Variants in DST observed in about 807,000 individuals in gnomAD.
DST encodes dystonin.
A neutral mutation model predicts 875.2 loss-of-function variants in DST; 253 were observed. The ratio of observed to expected loss-of-function variants is 0.29; its 90% confidence interval spans 0.26 to 0.32. DST has a LOEUF of 0.32. Among genes scored for constraint, DST ranks in the 10% least tolerant of loss-of-function variants. The pLI, the probability that DST is intolerant of heterozygous loss-of-function variation, is 1.00. For synonymous variants in DST, 3,124 were observed against 3,197.1 expected (o/e 0.98, Z 0.77); for missense variants, 8,287 against 9,111.6 (o/e 0.91, Z 3.68).
chr6:56,832,347 C>G (rs1402036547), intron 4 of DST, among the ~76,000 whole-genome samples: 1 of 152,042 alleles, frequency 6.6e-6, no homozygotes, highest in Non-Finnish European at 1.5e-5. Flanking sequence ...CTTACTAGTT[C>G]TAGTAAGTCT....
intron 2 of DST, among the ~76,000 whole-genome samples, chr6:56,904,626 A>G (rs1795551322): frequency 6.6e-6 from 1 of 152,120 alleles, no homozygotes; most frequent in Non-Finnish European, 1.5e-5. Context: ...AACAACGATG[A>G]CCGTTCACCT....
At chr6:56,602,591 T>C (rs2098456175) in intron 43 of DST, among the ~76,000 whole-genome samples, 1 of 151,970 alleles carries the variant, frequency 6.6e-6, no homozygotes, top group East Asian at 1.9e-4. Context: ...ATATGGCTAA[T>C]TCATACTATT....
intron 61 of DST, among the ~76,000 whole-genome samples, chr6:56,548,231 T>C (rs1403117232): frequency 6.6e-6 from 1 of 152,204 alleles, no homozygotes; most frequent in Non-Finnish European, 1.5e-5. Flanking sequence ...TTTAAGAAAG[T>C]TTATGAATTT....
chr6:56,606,511 A>G lies in DST; in HGVS notation c.8117T>C (p.Ile2706Thr), dbSNP rs1467390039. The change falls in exon 40 of 104, where the codon ATA becomes ACA. Residue 2706 changes from isoleucine (I) to threonine (T), a missense_variant. By Grantham distance (89) the Ile-to-Thr change is moderately conservative. Coordinates refer to ENST00000680361, the MANE Select transcript of DST (RefSeq NM_001374736.1). ...EKDELDSGEK[I>T]HLNPVGSDKV... ...ATCTGAGCCAACAGGATTTAAATGTATTTTTTCACCAGAATCTAATTCATC... is the reference window on the plus strand; with the variant it reads ...ATCTGAGCCAACAGGATTTAAATGTGTTTTTTCACCAGAATCTAATTCATC... 6.2e-7 allele frequency: 1 copy of G among 1,613,296 alleles called. No homozygotes were observed. Among genetic ancestry groups the G allele is most frequent in the Admixed American group, 1.7e-5 (1 of 59,868 alleles).
rs116276328 is a variant in DST at position 56,867,561 on chromosome 6, C to T, written c.418-15957G>A. ...GCTTGGCTGGATGCGGAGGCTCATG[C>T]CTGTAATCCCAGCACTTTGGGAGGC... On this transcript the variant is annotated intron_variant, in intron 3 of 103. Coordinates refer to ENST00000680361, the MANE Select transcript of DST (RefSeq NM_001374736.1). Among the ~76,000 whole-genome samples the T allele has an allele frequency of 3.9e-3, 595 of 152,304 alleles. 1 individual carries two copies. The highest frequency in any genetic ancestry group is 6.0e-3 in the Non-Finnish European group (408 of 68,022).
In DST at chr6:56,624,626, G is replaced by T; in HGVS notation, c.4833C>A (p.Phe1611Leu). 6.2e-7 allele frequency: 1 copy of T among 1,602,164 alleles called. No homozygotes were observed. Among genetic ancestry groups the T allele is most frequent in the South Asian group, 1.1e-5 (1 of 90,824 alleles). The change falls in exon 36 of 104, where the codon TTC (phenylalanine) becomes TTA (leucine). Residue 1611 changes from phenylalanine (F) to leucine (L), a missense_variant and splice_region_variant. By Grantham distance (22) the Phe-to-Leu change is conservative. Transcript: ENST00000680361. ...QSSADLIIQEFMDLRTRYTAL... is the reference protein window; with the variant it reads ...QSSADLIIQELMDLRTRYTAL... ...CAGTATATCGAGTCCTTAGGTCCAT[G>T]AACTGCAAGTAAGGAAAAAAATAAT...
chr6:56,802,831 A>G (rs1009087840), intron 4 of DST, among the ~76,000 whole-genome samples: 14 of 152,184 alleles, frequency 9.2e-5, no homozygotes, highest in African/African-American at 3.1e-4. Context: ...AAACATCCCC[A>G]TTCATAAAGC....
In DST at chr6:56,608,038, G is replaced by A; in HGVS notation, c.6590C>T (p.Thr2197Ile). The A allele has an allele frequency of 1.9e-6, 3 of 1,612,878 alleles. No homozygotes were observed. The highest frequency in any genetic ancestry group is 2.5e-6 in the Non-Finnish European group (3 of 1,179,408). The change falls in exon 40 of 104, where the codon ACT (threonine) becomes ATT (isoleucine). Residue 2197 changes from threonine to isoleucine, a missense_variant. Thr to Ile is a moderately conservative substitution (Grantham distance 89, BLOSUM62 -1). Around this residue, in one of 10 missense-constraint regions of DST, gnomAD observed 3,138 missense variants for 3,116.6 expected, o/e 1.01. Coordinates refer to ENST00000680361, the MANE Select transcript of DST (RefSeq NM_001374736.1). ...TAAATAAGATAGAAATAATTTTTTA[G>A]TTTCTTCTGAGGTCTGAGTAGTGAC... ...EPVTTQTSEE[T>I]KKLFLSYLMI...
chr6:56,948,218 G>C lies in DST; in HGVS notation c.216+5567C>G, dbSNP rs189974623. 2.2e-4 allele frequency among the ~76,000 whole-genome samples: 33 copies of C among 152,176 alleles called. 1 individual carries two copies. Among genetic ancestry groups the C allele is most frequent in the Admixed American group, 1.6e-3 (24 of 15,286 alleles). On this transcript the variant is annotated intron_variant, in intron 2 of 103. Coordinates refer to ENST00000680361, the MANE Select transcript of DST (RefSeq NM_001374736.1). ...GTATATCTCAGAAGCTTCAGCATAC[G>C]ATTTTTTTTTCCTTTCCTTACTAAG...
At position 56,639,314 on chromosome 6, in the gene DST, T is replaced by C. The variant is rs774525373; in HGVS notation, c.2909A>G (p.Gln970Arg). ...DQKEENIKSV[Q>R]EIAEQLLLEN... ...TAGAAGTAGCTGCTCTGCTATCTCCTGAACTGATTTAATATTTTCTTCCTT... is the reference window on the plus strand; with the variant it reads ...TAGAAGTAGCTGCTCTGCTATCTCCCGAACTGATTTAATATTTTCTTCCTT... The change falls in exon 22 of 104, where the codon CAG becomes CGG. Residue 970 changes from glutamine to arginine, a missense_variant. Physicochemically the swap from Gln to Arg is conservative, Grantham distance 43 (BLOSUM62 1). This residue lies in a region of DST where 1,160 missense variants were observed against 1,424.3 expected (regional missense o/e 0.81). Transcript: ENST00000680361. The C allele has an allele frequency of 3.7e-6, 6 of 1,613,712 alleles. No homozygotes were observed. Among genetic ancestry groups the C allele is most frequent in the Middle Eastern group, 1.6e-4 (1 of 6,078 alleles).
At chr6:56,851,957 A>C in intron 3 of DST, 2 of 1,490,030 alleles carry the variant, frequency 1.3e-6, no homozygotes, top group Non-Finnish European at 1.8e-6. Context: ...AACCTATAGT[A>C]TTTGGCTCCC....
At chr6:56,880,837 CTTTTTTT>C (rs765843469) in intron 3 of DST, among the ~76,000 whole-genome samples, 1 of 58,062 alleles carries the variant, frequency 1.7e-5, no homozygotes, top group Non-Finnish European at 2.8e-5. Flanking sequence ...TACTGTCTTT[CTTTTTTT>C]TTTTTTTTTT....
intron 2 of DST, among the ~76,000 whole-genome samples, chr6:56,938,432 T>C (rs754433508): frequency 2.6e-5 from 4 of 152,086 alleles, no homozygotes; most frequent in African/African-American, 4.8e-5. Flanking sequence ...TCTGAAATTT[T>C]TGAAAAACTA....
intron 69 of DST, among the ~76,000 whole-genome samples, chr6:56,518,179 T>G (rs911566310): frequency 3.3e-5 from 5 of 152,188 alleles, no homozygotes; most frequent in African/African-American, 1.2e-4. Flanking sequence ...CATTTAATAA[T>G]GGCAGAAAAC....
chr6:56,473,929 G>C lies in DST; in HGVS notation c.21938C>G (p.Ala7313Gly), dbSNP rs760114763. ...KVTKTYKRRA[A>G]DPSSLQSHIP... ...ATGGGATTGTAATGAGGAAGGATCAGCAGCTCTCCTCTTATAGGTCTTCGT... is the reference window on the plus strand; with the variant it reads ...ATGGGATTGTAATGAGGAAGGATCACCAGCTCTCCTCTTATAGGTCTTCGT... The change falls in exon 93 of 104, where the codon GCT becomes GGT. Residue 7313 changes from alanine to glycine, a missense_variant. Coordinates refer to ENST00000680361, the MANE Select transcript of DST (RefSeq NM_001374736.1). 6.3e-7 allele frequency: 1 copy of C among 1,593,318 alleles called. No individual in the cohort carries two copies. The highest frequency in any genetic ancestry group is 8.6e-7 in the Non-Finnish European group (1 of 1,168,038).
chr6:56,481,991 C>G, intron 90 of DST, 59 bp downstream of exon 90: 16 of 1,549,256 alleles, frequency 1.0e-5, no homozygotes, highest in Non-Finnish European at 1.3e-5. Context: ...AATCCCGAGT[C>G]TATTTTCCCT....
At chr6:56,580,338 G>A (rs1199587569) in intron 49 of DST, among the ~76,000 whole-genome samples, 1 of 151,986 alleles carries the variant, frequency 6.6e-6, no homozygotes, top group African/African-American at 2.4e-5. Flanking sequence ...CTTGAGGCCA[G>A]GAGTTCAAGA....
In DST at chr6:56,606,245, C is replaced by A. The variant is rs1212132571; in HGVS notation, c.8383G>T (p.Gly2795Trp). The A allele has an allele frequency of 6.4e-7, 1 of 1,567,722 alleles. No individual in the cohort carries two copies. The highest frequency in any genetic ancestry group is 8.7e-7 in the Non-Finnish European group (1 of 1,154,698). The change falls in exon 40 of 104, where the codon GGG (glycine) becomes TGG (tryptophan). Residue 2795 changes from glycine to tryptophan, a missense_variant. Physicochemically the swap from Gly to Trp is radical, Grantham distance 184. Coordinates refer to ENST00000680361, the MANE Select transcript of DST (RefSeq NM_001374736.1). ...TCATTACTGTCATATATATAATCCC[C>A]ATAACTTTCTTCACTTTGCATAGAA... The part of the protein sequence containing the change: ...LDSMQSEESY[G>W]DYIYDSNDQD...
intron 3 of DST, among the ~76,000 whole-genome samples, chr6:56,866,238 T>C (rs1334513197): frequency 6.6e-6 from 1 of 152,150 alleles, no homozygotes; most frequent in Non-Finnish European, 1.5e-5. Context: ...CTGCAGATGA[T>C]CCACCCACTG....
Sources: gnomAD v4.1 joint callset for allele counts (sites outside exome capture counted in the v4.1 genomes callset) on GRCh38, gnomAD v4.1.1 for gene constraint, gnomAD v4.1.1 regional missense constraint, MANE v1.5 for transcripts, NCBI Gene and HGNC (gene_info 2026-07-23, HGNC 2026-07-21) for gene names.